Variants in DDX6 observed in about 807,000 individuals in gnomAD.
The protein encoded by DDX6 is probable ATP-dependent RNA helicase DDX6.
In DDX6, 7 loss-of-function variants were observed where a neutral mutation model predicts 60.6. That is an observed-to-expected ratio of 0.12 (90% CI 0.07 to 0.22). The LOEUF is 0.22. Ranked by LOEUF, DDX6 falls within the 10% of genes least tolerant of loss-of-function variation. DDX6 has a pLI of 1.00. For missense variants in DDX6, 270 were observed against 589.9 expected (o/e 0.46, Z 5.62); for synonymous variants, 207 against 201.0 (o/e 1.03, Z -0.25).
chr11:118,781,053 C>T, intron 3 of DDX6, 68 bp downstream of exon 3: 5 of 1,072,590 alleles, frequency 4.7e-6, no homozygotes, highest in Non-Finnish European at 7.1e-6. Context: ...CTCCAGATAC[C>T]GAGGGACAGC....
Position 118,747,868 on chromosome 11 carries a change from A to G in DDX6, c.*4237T>C, listed in dbSNP as rs2137372089. 6.7e-6 allele frequency: 1 copy of G among 149,052 alleles called. No individual in the cohort carries two copies. Among genetic ancestry groups the G allele is most frequent in the East Asian group, 2.0e-4 (1 of 4,980 alleles). 9.2% of individuals were successfully genotyped at this position (149,052 alleles called of 1,614,324 possible). A position where few individuals can be genotyped will look rare whatever the true frequency, so the allele number is the denominator to read the frequency against. ...AGCAGACTCCGGTCCATATATGCGT[A>G]CATACAACATAACACATCCCAACAA... On this transcript the variant is annotated 3_prime_UTR_variant, in exon 14 of 14. Transcript: ENST00000534980.
Position 118,763,852 on chromosome 11 carries a change from A to AAAAG in DDX6, c.647-550_647-547dup, listed in dbSNP as rs1555160809. 4.2e-3 allele frequency among the ~76,000 whole-genome samples: 616 copies of AAAAG among 146,328 alleles called. 8 individuals are homozygous for AAAAG. The highest frequency in any genetic ancestry group is 3.5e-3 in the Non-Finnish European group (235 of 67,170). On this transcript the variant is annotated intron_variant, in intron 6 of 13. Transcript: ENST00000534980. ...GTGTCTCAAATTAAAAAAAAAAAAAAAAAGAAAGAAAGAGAAGAAACACAT... is the reference window on the plus strand; with the variant it reads ...GTGTCTCAAATTAAAAAAAAAAAAAAAAAGAAAGAAAGAAAGAGAAGAAACACAT...
intron 4 of DDX6, among the ~76,000 whole-genome samples, chr11:118,773,267 GA>G (rs1163198109): frequency 6.6e-6 from 1 of 151,848 alleles, no homozygotes; most frequent in Non-Finnish European, 1.5e-5. Context: ...TTCCAAGAGG[GA>G]AAAAAAACCT....
chr11:118,763,138 C>T, intron 7 of DDX6, 74 bp downstream of exon 7: 1 of 970,132 alleles, frequency 1.0e-6, no homozygotes, highest in Non-Finnish European at 1.5e-6. Context: ...GCAGCTTTTG[C>T]TTCATTCACT....
chr11:118,757,121 A>G, intron 10 of DDX6, 50 bp downstream of exon 10: 2 of 977,182 alleles, frequency 2.0e-6, no homozygotes, highest in African/African-American at 1.7e-5. Flanking sequence ...AAACAAAATA[A>G]AGAAAGAGAT....
intron 7 of DDX6, among the ~76,000 whole-genome samples, chr11:118,762,366 A>T (rs1591895326): frequency 1.3e-5 from 2 of 152,114 alleles, no homozygotes; most frequent in East Asian, 3.9e-4. Context: ...ATCACTATAG[A>T]TCCTCCTTGA....
At chr11:118,763,421 G>T in intron 6 of DDX6, 115 bp from the exon 7 acceptor site, 1 of 793,528 alleles carries the variant, frequency 1.3e-6, no homozygotes, top group South Asian at 1.5e-5. Flanking sequence ...GAAATGCATT[G>T]CTATGTGATG....
At chr11:118,764,827 C>T (rs1355360983) in intron 6 of DDX6, among the ~76,000 whole-genome samples, 1 of 149,778 alleles carries the variant, frequency 6.7e-6, no homozygotes, top group African/African-American at 2.5e-5. Flanking sequence ...AATATACACA[C>T]ACACACACAC....
At chr11:118,770,658 G>A (rs1861506047) in intron 4 of DDX6, among the ~76,000 whole-genome samples, 1 of 152,084 alleles carries the variant, frequency 6.6e-6, no homozygotes, top group Non-Finnish European at 1.5e-5. Flanking sequence ...GGGAGGCTGA[G>A]GTAGGCAGAT....
Position 118,758,781 on chromosome 11 carries a change from A to G in DDX6, c.986T>C (p.Phe329Ser), listed in dbSNP as rs1555159560. 3 of 1,613,524 alleles carry G rather than the reference A, an allele frequency of 1.9e-6. No homozygotes were observed. Among genetic ancestry groups the G allele is most frequent in the South Asian group, 1.1e-5 (1 of 90,970 alleles). The change falls in exon 9 of 14, where the codon TTC becomes TCC. Residue 329 changes from phenylalanine to serine, a missense_variant. By Grantham distance (155) the Phe-to-Ser change is radical. This residue lies in a region of DDX6 where 69 missense variants were observed against 208.2 expected (regional missense o/e 0.33). Transcript: ENST00000534980. ...CAGAAGCCTACTTCTTACCCTGGAG[A>G]AAAGTGTGTTGAGGCAGTGTACTTT... ...RQKVHCLNTL[F>S]SRLQINQSII...
At chr11:118,784,465 T>G (rs1332019474) in intron 2 of DDX6, among the ~76,000 whole-genome samples, 1 of 151,916 alleles carries the variant, frequency 6.6e-6, no homozygotes, top group African/African-American at 2.4e-5. Flanking sequence ...TGGCAAGTTT[T>G]TTTTTTTTTT....
intron 3 of DDX6, 42 bp from the exon 4 acceptor site, chr11:118,779,778 G>GTTGGTAAATTTGGTGTCCT: frequency 7.0e-7 from 1 of 1,429,152 alleles, no homozygotes; most frequent in Admixed American, 2.1e-5. Flanking sequence ...AAATAACACT[G>GTTGGTAAATTTGGTGTCCT]TTGGTAAATT....
chr11:118,790,709 G>A (rs955890612), intron 1 of DDX6: 3 of 152,944 alleles, frequency 2.0e-5, no homozygotes, highest in African/African-American at 4.8e-5. Flanking sequence ...CCTCCTCTCA[G>A]GCGCTCCCAC....
chr11:118,782,430 G>A (rs1861930293), intron 2 of DDX6, among the ~76,000 whole-genome samples: 1 of 151,186 alleles, frequency 6.6e-6, no homozygotes, highest in Non-Finnish European at 1.5e-5. Context: ...AAAAAGATCA[G>A]GGAACATCTG....
intron 7 of DDX6, among the ~76,000 whole-genome samples, chr11:118,762,178 A>C (rs1368796701): frequency 1.3e-5 from 2 of 151,772 alleles, no homozygotes; most frequent in Admixed American, 6.6e-5. Flanking sequence ...CAGAAGGCTG[A>C]GGCATAAGAA....
At chr11:118,759,060 T>TA in intron 8 of DDX6, 158 bp from the exon 9 acceptor site, 9 of 989,102 alleles carry the variant, frequency 9.1e-6, no homozygotes, top group Non-Finnish European at 1.3e-5. Flanking sequence ...CATTACAGAA[T>TA]TTCCCCCCTG....
In DDX6 at chr11:118,758,904, T is replaced by TG. The variant is rs200755405; in HGVS notation, c.865-3dup. On this transcript the variant is annotated splice_region_variant and splice_polypyrimidine_tract_variant and intron_variant, in intron 8 of 13. Coordinates refer to ENST00000534980, the MANE Select transcript of DDX6 (RefSeq NM_004397.6). ...ATAGGGTTTCTGCAAATGGGAATTC[T>TG]GGGGGGGGAGCGGGAAAAAGATGAG... The TG allele has an allele frequency of 3.6e-3, 5,838 of 1,606,730 alleles. 6 individuals carry two copies. Among genetic ancestry groups the TG allele is most frequent in the Non-Finnish European group, 4.3e-3 (5,019 of 1,175,868 alleles).
intron 4 of DDX6, among the ~76,000 whole-genome samples, chr11:118,769,009 A>AAAAAAAC (rs1861447668): frequency 6.7e-6 from 1 of 149,628 alleles, no homozygotes; most frequent in African/African-American, 2.5e-5. Flanking sequence ...AAAAAAAAAA[A>AAAAAAAC]GGCTAGATAC....
Position 118,754,896 on chromosome 11 carries a change from CAT to C in DDX6, c.1277-11_1277-10del, listed in dbSNP as rs150977909. 0.031 allele frequency: 49,092 copies of C among 1,588,264 alleles called. 900 individuals carry two copies. Among genetic ancestry groups the C allele is most frequent in the Non-Finnish European group, 0.035 (40,841 of 1,172,446 alleles). ...AAGATGACCAAAGCGACCTAAAAAA[CAT>C]GCGTTTAAAAATTTTAATGAATAAA... is the stretch of plus-strand genomic sequence containing the variant. On this transcript the variant is annotated splice_polypyrimidine_tract_variant and intron_variant, in intron 12 of 13. Coordinates refer to ENST00000534980, the MANE Select transcript of DDX6 (RefSeq NM_004397.6).
Sources: allele counts gnomAD v4.1 joint callset (sites outside exome capture counted in the v4.1 genomes callset), GRCh38; gene constraint gnomAD v4.1.1; regional missense constraint gnomAD v4.1.1; transcripts MANE v1.5; gene names NCBI Gene and HGNC (gene_info 2026-07-23, HGNC 2026-07-21).